TLN1: variants seen among roughly 807,000 people sequenced by gnomAD.
TLN1 encodes talin 1, also known as talin-1.
Under a neutral mutation model 292.3 loss-of-function variants are expected in TLN1, and 56 were observed. The observed-to-expected ratio is 0.19, with a 90% CI of 0.15 to 0.24. TLN1 has a LOEUF of 0.24. TLN1 is among the 10% of genes least tolerant of loss of function. The probability of loss-of-function intolerance (pLI) is 1.00; values close to 1 mark genes in which losing one functional copy is unlikely to be tolerated. For synonymous variants in TLN1, 1,119 were observed against 1,253.7 expected (o/e 0.89, Z 2.27); for missense variants, 2,433 against 3,248.2 (o/e 0.75, Z 6.10).
intron 20 of TLN1, 104 bp from the exon 21 acceptor site, chr9:35,715,291 C>A: frequency 6.9e-7 from 1 of 1,447,980 alleles, no homozygotes. Context: ...ATGTATTTTC[C>A]TGAAGTCATC....
intron 43 of TLN1, among the ~76,000 whole-genome samples, chr9:35,705,071 G>A (rs1825541586): frequency 6.6e-6 from 1 of 152,204 alleles, no homozygotes; most frequent in African/African-American, 2.4e-5. Flanking sequence ...GAGAAGGGGA[G>A]GAGCACTTTA....
Position 35,717,024 on chromosome 9 carries a change from G to T in TLN1, c.2458+122C>A. The stretch of plus-strand genomic sequence containing the variant: ...ATGATGAGCCTATGGTTGTGTGGCT[G>T]GCAAGCCCACACTGTGCTGAGTTCC... On this transcript the variant is annotated intron_variant, in intron 19 of 56. Transcript: ENST00000314888. This position sits in a 1 kb window ranked among gnomAD's most constrained non-coding sequence, Gnocchi z 4.7. 3 of 1,123,852 alleles carry T rather than the reference G, an allele frequency of 2.7e-6. No individual in the cohort carries two copies. Among genetic ancestry groups the T allele is most frequent in the South Asian group, 1.6e-5 (1 of 62,060 alleles). The allele number at this position is 1,123,852 out of a possible 1,614,324, so 69.6% of individuals were successfully genotyped here. A position where few individuals can be genotyped will look rare whatever the true frequency, so the allele number is the denominator to read the frequency against.
rs1825849681 is a variant in TLN1 at position 35,719,831 on chromosome 9, G to A, written c.1487C>T (p.Thr496Ile). The change falls in exon 14 of 57, where the codon ACT (threonine) becomes ATT (isoleucine). Residue 496 changes from threonine (T) to isoleucine (I), a missense_variant. Transcript: ENST00000314888. This position sits in a 1 kb window ranked among gnomAD's most constrained non-coding sequence, Gnocchi z 4.6. ...PPLTSAQQALTGTINSSMQAV... is the reference protein window; with the variant it reads ...PPLTSAQQALIGTINSSMQAV... ...CTGCATGCTGGAGTTAATGGTTCCAGTGAGTGCCTGCTGGGCTGAAGTCTA... is the reference window on the plus strand; with the variant it reads ...CTGCATGCTGGAGTTAATGGTTCCAATGAGTGCCTGCTGGGCTGAAGTCTA... 2.5e-6 allele frequency: 4 copies of A among 1,591,436 alleles called. No individual in the cohort carries two copies. Among genetic ancestry groups the A allele is most frequent in the Non-Finnish European group, 3.4e-6 (4 of 1,168,582 alleles).
At position 35,724,377 on chromosome 9, in the gene TLN1, C is replaced by A. The variant is rs1158403444; in HGVS notation, c.512-43G>T. The A allele has an allele frequency of 6.2e-7, 1 of 1,611,234 alleles. No homozygotes were observed. The highest frequency in any genetic ancestry group is 8.5e-7 in the Non-Finnish European group (1 of 1,177,834). ...CCCTCAGTGCCAAACCCCCATGGCC[C>A]CTGTGCTGTCTGGTCTCTGTTTATT... On this transcript the variant is annotated intron_variant, in intron 5 of 56. Transcript: ENST00000314888. This position sits in a 1 kb window ranked among gnomAD's most constrained non-coding sequence, Gnocchi z 4.7.
At position 35,717,934 on chromosome 9, in the gene TLN1, C is replaced by T. The variant is rs1825813943; in HGVS notation, c.1996-148G>A. 2 of 885,542 alleles carry T rather than the reference C, an allele frequency of 2.3e-6. No homozygotes were observed. The highest frequency in any genetic ancestry group is 3.4e-6 in the Non-Finnish European group (2 of 596,458). 54.9% of individuals were successfully genotyped at this position (885,542 alleles called of 1,614,324 possible). Reference sequence around the variant, plus strand: ...AACCAGAACCTACCCCGAGCTACTGCCCTGAGCACCCAGCAGGACAGAACC... The same window carrying T: ...AACCAGAACCTACCCCGAGCTACTGTCCTGAGCACCCAGCAGGACAGAACC... On this transcript the variant is annotated intron_variant, in intron 17 of 56. Coordinates refer to ENST00000314888, the MANE Select transcript of TLN1 (RefSeq NM_006289.4). This position sits in a 1 kb window ranked among gnomAD's most constrained non-coding sequence, Gnocchi z 4.7.
rs1211383332 is a variant in TLN1, at chr9:35,707,802, C to T, written c.4561G>A (p.Ala1521Thr). 3 of 1,614,092 alleles carry T rather than the reference C, an allele frequency of 1.9e-6. No individual in the cohort carries two copies. Among genetic ancestry groups the T allele is most frequent in the South Asian group, 1.1e-5 (1 of 91,076 alleles). The change falls in exon 35 of 57, where the codon GCC becomes ACC. Residue 1521 changes from alanine (A) to threonine (T), a missense_variant. Physicochemically the swap from Ala to Thr is moderately conservative, Grantham distance 58. This residue lies in a region of TLN1 where 1,384 missense variants were observed against 1,699.6 expected (regional missense o/e 0.81). Coordinates refer to ENST00000314888, the MANE Select transcript of TLN1 (RefSeq NM_006289.4). The surrounding 1 kb of genome is among the most constrained non-coding windows in gnomAD (Gnocchi z 5.6). The part of the protein sequence containing the change: ...LASARTTNPT[A>T]KRQFVQSAKE... Reference sequence around the variant, plus strand: ...GCTGACTGTACAAACTGGCGCTTGGCAGTAGGATTGGTGGTACGGGCAGAA... The same window carrying T: ...GCTGACTGTACAAACTGGCGCTTGGTAGTAGGATTGGTGGTACGGGCAGAA...
chr9:35,711,511 G>A (rs1825667333), intron 29 of TLN1, 84 bp downstream of exon 29: 1 of 1,604,424 alleles, frequency 6.2e-7, no homozygotes, highest in Non-Finnish European at 8.5e-7. Context: ...AGGGAGCCAG[G>A]AGCAAGTCAG....
chr9:35,705,476 G>A (rs958474274), intron 43 of TLN1, 75 bp downstream of exon 43: 34 of 1,435,728 alleles, frequency 2.4e-5, no homozygotes, highest in South Asian at 1.4e-5. Flanking sequence ...GAGAGGGTGG[G>A]GGTGGGACAG....
chr9:35,720,337 A>T, intron 12 of TLN1, 96 bp downstream of exon 12: 1 of 1,544,382 alleles, frequency 6.5e-7, no homozygotes. Context: ...TAGTTAAAGA[A>T]CCATTCTAAG....
chr9:35,722,880 C>T lies in TLN1; in HGVS notation c.824G>A (p.Gly275Glu). 6.2e-7 allele frequency: 1 copy of T among 1,614,010 alleles called. No homozygotes were observed. Among genetic ancestry groups the T allele is most frequent in the Non-Finnish European group, 8.5e-7 (1 of 1,179,916 alleles). Reference sequence around the variant, plus strand: ...ATTCACCTGGAAGATCTTACGCTCTCCCTTCTGCTTCACATACTCCTTGGG... The same window carrying T: ...ATTCACCTGGAAGATCTTACGCTCTTCCTTCTGCTTCACATACTCCTTGGG... Reference protein sequence around the residue: ...FLPKEYVKQKGERKIFQAHKN... With the variant: ...FLPKEYVKQKEERKIFQAHKN... The change falls in exon 8 of 57, where the codon GGA (glycine) becomes GAA (glutamate). Residue 275 changes from glycine to glutamate, a missense_variant. Physicochemically the swap from Gly to Glu is moderately conservative, Grantham distance 98. Around this residue, in one of 7 missense-constraint regions of TLN1, gnomAD observed 78 missense variants for 88.8 expected, o/e 0.88. Transcript: ENST00000314888.
At position 35,724,692 on chromosome 9, in the gene TLN1, G is replaced by A; in HGVS notation, c.391C>T (p.Arg131Ter). 1 of 1,613,958 alleles carries A rather than the reference G, an allele frequency of 6.2e-7. No individual in the cohort carries two copies. The highest frequency in any genetic ancestry group is 8.5e-7 in the Non-Finnish European group (1 of 1,180,016). ...TCCTTTTTCTCTTCCATCAGCTCTC[G>A]AACCAATGAATATTCATCATGATTG... ...ITNHDEYSLV[R>*]ELMEEKKEEI... The change falls in exon 5 of 57, where the codon CGA (arginine) becomes TGA (stop). Residue 131 changes from arginine to a stop codon, truncating the protein, a stop_gained. Coordinates refer to ENST00000314888, the MANE Select transcript of TLN1 (RefSeq NM_006289.4). LOFTEE classifies it high-confidence loss of function. This position sits in a 1 kb window ranked among gnomAD's most constrained non-coding sequence, Gnocchi z 4.7.
chr9:35,729,563 T>G (rs925776605), intron 1 of TLN1, among the ~76,000 whole-genome samples: 2 of 152,232 alleles, frequency 1.3e-5, no homozygotes, highest in Admixed American at 1.3e-4. Flanking sequence ...AAAATAACTC[T>G]GGCAGTTACC....
chr9:35,705,285 G>A (rs1217864779), intron 43 of TLN1, among the ~76,000 whole-genome samples: 1 of 152,234 alleles, frequency 6.6e-6, no homozygotes, highest in East Asian at 1.9e-4. Flanking sequence ...CAACAGAGAA[G>A]CAGCTGTAGG....
Position 35,717,054 on chromosome 9 carries a change from G to A in TLN1, c.2458+92C>T, listed in dbSNP as rs937864922. Reference sequence around the variant, plus strand: ...GCCCACACTGTGCTGAGTTCCTTGGGGTGAAGTGGTTAGGTCCGCAAGGGG... The same window carrying A: ...GCCCACACTGTGCTGAGTTCCTTGGAGTGAAGTGGTTAGGTCCGCAAGGGG... On this transcript the variant is annotated intron_variant, in intron 19 of 56. Transcript: ENST00000314888. This position sits in a 1 kb window ranked among gnomAD's most constrained non-coding sequence, Gnocchi z 4.7. The A allele has an allele frequency of 9.8e-6, 14 of 1,432,096 alleles. No individual in the cohort carries two copies. Among genetic ancestry groups the A allele is most frequent in the Non-Finnish European group, 1.1e-5 (12 of 1,060,910 alleles). The allele number at this position is 1,432,096 out of a possible 1,614,324, so 88.7% of individuals were successfully genotyped here. A position where few individuals can be genotyped will look rare whatever the true frequency, so the allele number is the denominator to read the frequency against.
chr9:35,699,960 A>G lies in TLN1; in HGVS notation c.6768+14T>C, dbSNP rs376931317. The G allele has an allele frequency of 3.1e-6, 5 of 1,600,336 alleles. No individual in the cohort carries two copies. In the African/African-American group the frequency reaches 5.4e-5, roughly 17 times the overall value. On this transcript the variant is annotated intron_variant, in intron 50 of 56. Coordinates refer to ENST00000314888, the MANE Select transcript of TLN1 (RefSeq NM_006289.4). The surrounding 1 kb of genome is among the most constrained non-coding windows in gnomAD (Gnocchi z 4.0). ...GGGAGGCTGGTATGAGGAACAAGCA[A>G]CGCCCTCCCTTACCAGCAGTACATG...
chr9:35,723,430 C>G (rs1825913378), intron 7 of TLN1: 1 of 186,424 alleles, frequency 5.4e-6, no homozygotes, highest in African/African-American at 2.4e-5. Context: ...TGACCTGTGT[C>G]TCTCCCTGTA....
chr9:35,713,906 G>A, intron 25 of TLN1, 47 bp downstream of exon 25: 1 of 1,610,590 alleles, frequency 6.2e-7, no homozygotes, highest in African/African-American at 1.3e-5. Context: ...CGGAGGTGAA[G>A]GAAGACTTTA....
intron 48 of TLN1, among the ~76,000 whole-genome samples, chr9:35,702,218 T>C (rs947829574): frequency 2.2e-4 from 33 of 152,214 alleles, no homozygotes; most frequent in Admixed American, 2.0e-3. Context: ...TTCCCACCAT[T>C]AGGAGGACCA....
At chr9:35,709,185 C>T (rs1178399521) in intron 33 of TLN1, among the ~76,000 whole-genome samples, 1 of 152,166 alleles carries the variant, frequency 6.6e-6, no homozygotes, top group Non-Finnish European at 1.5e-5. Flanking sequence ...GTCCCAGCTA[C>T]TCGGGAGGCT....
Sources: allele counts gnomAD v4.1 joint callset (sites outside exome capture counted in the v4.1 genomes callset), GRCh38; gene constraint gnomAD v4.1.1; regional missense constraint gnomAD v4.1.1; non-coding constraint Gnocchi (gnomAD v3.1); transcripts MANE v1.5; gene names NCBI Gene and HGNC (gene_info 2026-07-23, HGNC 2026-07-21).